Variants in RRN3 observed in about 807,000 individuals in gnomAD.
The protein encoded by RRN3 is RNA polymerase I transcription factor RRN3.
In RRN3, 38 loss-of-function variants were observed where a neutral mutation model predicts 82.3. That is an observed-to-expected ratio of 0.46 (90% confidence interval 0.36 to 0.61). The LOEUF (loss-of-function observed/expected upper bound fraction) is 0.61. RRN3 is among the 20% of genes least tolerant of loss of function. The pLI, the probability that RRN3 is intolerant of heterozygous loss-of-function variation, is 0.00. For missense variants in RRN3, 726 were observed against 793.1 expected (o/e 0.92, Z 1.02); for synonymous variants, 284 against 284.3 (o/e 1.00, Z 0.01).
intron 14 of RRN3, among the ~76,000 whole-genome samples, chr16:15,069,459 A>G (rs2045128083): frequency 6.6e-6 from 1 of 152,226 alleles, no homozygotes; most frequent in African/African-American, 2.4e-5. Context: ...CTTCAACTAA[A>G]ATACACTAAT....
At chr16:15,083,614 A>C in intron 7 of RRN3, 32 bp from the exon 8 acceptor site, 1 of 1,589,016 alleles carries the variant, frequency 6.3e-7, no homozygotes, top group Non-Finnish European at 8.6e-7. Flanking sequence ...AATCCATGTT[A>C]ACTTTACTTT....
At chr16:15,086,036 C>A in intron 5 of RRN3, 93 bp downstream of exon 5, 2 of 1,110,056 alleles carry the variant, frequency 1.8e-6, no homozygotes, top group South Asian at 1.6e-5. Flanking sequence ...CATCTGGAAT[C>A]TTCCATGGTA....
chr16:15,094,084 C>T (rs2046251995), intron 1 of RRN3, 61 bp downstream of exon 1: 1 of 1,453,540 alleles, frequency 6.9e-7, no homozygotes, highest in African/African-American at 1.4e-5. Context: ...CAATCCGCTC[C>T]TCTAAGCGCC....
At chr16:15,074,201 A>T (rs1371340220) in intron 11 of RRN3, among the ~76,000 whole-genome samples, 1 of 152,196 alleles carries the variant, frequency 6.6e-6, no homozygotes, top group Non-Finnish European at 1.5e-5. Flanking sequence ...AATGCAGTCA[A>T]CTCAGATTCC....
chr16:15,065,208 A>G lies in RRN3; in HGVS notation c.1706+11T>C, dbSNP rs747494694. ...CCACCTCCTCCAGCGTCAATGTTTA[A>G]AAGTACCTACCTCTTCAGCACACAG... On this transcript the variant is annotated intron_variant, in intron 16 of 17. Coordinates refer to ENST00000198767, the MANE Select transcript of RRN3 (RefSeq NM_018427.5). 1.3e-6 allele frequency: 2 copies of G among 1,585,380 alleles called. No individual in the cohort carries two copies. Among genetic ancestry groups the G allele is most frequent in the Non-Finnish European group, 1.7e-6 (2 of 1,169,620 alleles).
At chr16:15,063,439 T>G (rs951492319) in intron 16 of RRN3, among the ~76,000 whole-genome samples, 156 bp from the exon 17 acceptor site, 10 of 152,080 alleles carry the variant, frequency 6.6e-5, no homozygotes, top group Non-Finnish European at 1.3e-4. Flanking sequence ...CTGGGTGCAG[T>G]GGCTCACGCC....
chr16:15,079,252 T>C (rs2045597104), intron 9 of RRN3, among the ~76,000 whole-genome samples: 1 of 152,188 alleles, frequency 6.6e-6, no homozygotes, highest in Non-Finnish European at 1.5e-5. Flanking sequence ...TTCCTGACAA[T>C]GTCACTAGAA....
chr16:15,087,508 T>C (rs1201264762), intron 3 of RRN3, among the ~76,000 whole-genome samples: 1 of 152,112 alleles, frequency 6.6e-6, no homozygotes, highest in African/African-American at 2.4e-5. Context: ...TGTCCCCTTT[T>C]CCCCACCTTA....
chr16:15,077,194 G>T (rs1299246241), intron 9 of RRN3, among the ~76,000 whole-genome samples: 2 of 151,700 alleles, frequency 1.3e-5, no homozygotes, highest in Non-Finnish European at 2.9e-5. Context: ...AGTCAGGCTG[G>T]TCTCGAACTC....
At chr16:15,062,213 A>G (rs1363521607) in intron 17 of RRN3, among the ~76,000 whole-genome samples, 2 of 152,164 alleles carry the variant, frequency 1.3e-5, no homozygotes, top group African/African-American at 2.4e-5. Context: ...ACATACCCAC[A>G]TAACTGCTCA....
chr16:15,086,496 T>C, intron 3 of RRN3, 42 bp from the exon 4 acceptor site: 1 of 1,608,058 alleles, frequency 6.2e-7, no homozygotes, highest in Non-Finnish European at 8.5e-7. Flanking sequence ...ACAAATCCTC[T>C]AACATAACAG....
chr16:15,089,786 C>CAAAAAAAAA (rs142235345), intron 3 of RRN3, among the ~76,000 whole-genome samples: 14 of 66,576 alleles, frequency 2.1e-4, no homozygotes, highest in East Asian at 5.2e-4. Flanking sequence ...GGCGACAGAG[C>CAAAAAAAAA]AAAAAAAAAA....
intron 3 of RRN3, among the ~76,000 whole-genome samples, chr16:15,089,844 AAACGCTGAAGTTTTAAG>A (rs1206056656): frequency 6.7e-6 from 1 of 150,256 alleles, no homozygotes; most frequent in African/African-American, 2.4e-5. Context: ...GGAGGATCAG[AAACGCTGAAGTTTTAAG>A]AAGTGGGTGG....
chr16:15,076,761 G>A (rs2045473461), intron 9 of RRN3, 111 bp from the exon 10 acceptor site: 12 of 719,406 alleles, frequency 1.7e-5, no homozygotes, highest in Admixed American at 4.4e-5. Context: ...CCAGATTAGT[G>A]CCTTATATCA....
chr16:15,063,372 C>T, intron 16 of RRN3, 89 bp from the exon 17 acceptor site: 1 of 971,844 alleles, frequency 1.0e-6, no homozygotes. Flanking sequence ...AGATCTATTA[C>T]CCAAAACCAA....
Position 15,094,219 on chromosome 16 carries a change from C to T in RRN3, c.15G>A (p.Leu5=), listed in dbSNP as rs750536631. The part of the protein sequence containing the change: MAAP[L]LHTRLPGDAA... The stretch of plus-strand genomic sequence containing the variant: ...CATCTCCCGGCAAACGCGTGTGAAG[C>T]AGCGGTGCCGCCATTGGGCCGAACT... The change falls in exon 1 of 18, where the codon CTG becomes CTA. Residue 5 remains leucine (L), a synonymous_variant. Transcript: ENST00000198767. 4.4e-6 allele frequency: 7 copies of T among 1,593,272 alleles called. No homozygotes were observed. The highest frequency in any genetic ancestry group is 3.4e-6 in the Non-Finnish European group (4 of 1,170,638).
chr16:15,061,872 T>G lies in RRN3; in HGVS notation c.1828A>C (p.Lys610Gln), dbSNP rs752895955. 3.7e-6 allele frequency: 6 copies of G among 1,613,278 alleles called. No individual in the cohort carries two copies. In the Admixed American group the frequency reaches 6.7e-5, roughly 18 times the overall value. Residue 610 changes from lysine to glutamine, a missense_variant, in exon 18 of 18, where the codon AAA becomes CAA. This residue lies in a region of RRN3 where 166 missense variants were observed against 154.8 expected (regional missense o/e 1.07). Transcript: ENST00000198767. The stretch of plus-strand genomic sequence containing the variant: ...GTATCATTCTGGGGCACTTCGCCTT[T>G]CAGAAAGTCATCATCTTCATCTTCC... Reference protein sequence around the residue: ...IVEDEDDDFLKGEVPQNDTVI... With the variant: ...IVEDEDDDFLQGEVPQNDTVI...
intron 8 of RRN3, 44 bp from the exon 9 acceptor site, chr16:15,080,140 A>G: frequency 6.4e-7 from 1 of 1,552,934 alleles, no homozygotes; most frequent in Non-Finnish European, 8.7e-7. Flanking sequence ...CAGAGAATAA[A>G]CGTTTCACAG....
At chr16:15,074,018 T>C (rs573693011) in intron 11 of RRN3, among the ~76,000 whole-genome samples, 1 of 152,194 alleles carries the variant, frequency 6.6e-6, no homozygotes, top group Non-Finnish European at 1.5e-5. Flanking sequence ...AATACTCTCC[T>C]ACATATACAG....
Sources: gnomAD v4.1 joint callset for allele counts (sites outside exome capture counted in the v4.1 genomes callset) on GRCh38, gnomAD v4.1.1 for gene constraint, gnomAD v4.1.1 regional missense constraint, MANE v1.5 for transcripts, NCBI Gene and HGNC (gene_info 2026-07-23, HGNC 2026-07-21) for gene names.